The following POLN variants were observed in gnomAD, a reference collection of about 807,000 sequenced individuals.
POLN encodes DNA polymerase N.
Under a neutral mutation model 113.5 loss-of-function variants are expected in POLN, and 108 were observed. That is an observed-to-expected ratio of 0.95 (90% CI 0.81 to 1.12). The LOEUF (loss-of-function observed/expected upper bound fraction) is 1.12, where lower values mean the gene tolerates loss of function less well. Among genes scored for constraint, POLN ranks in the 50% most tolerant of loss-of-function variants. The probability of loss-of-function intolerance (pLI) is 0.00; values close to 1 mark genes in which losing one functional copy is unlikely to be tolerated. For missense variants in POLN, 1,097 were observed against 1,077.1 expected, an observed-to-expected ratio of 1.02 and a Z score of -0.26; for synonymous variants, 386 against 391.5, an observed-to-expected ratio of 0.99 and a Z score of 0.17.
intron 20 of POLN, among the ~76,000 whole-genome samples, chr4:2,092,810 C>A (rs1026741844): frequency 6.6e-6 from 1 of 152,222 alleles, no homozygotes; most frequent in Non-Finnish European, 1.5e-5. Context: ...GTTTCCAAAG[C>A]GCCCCAGCAG....
chr4:2,164,802 CAAAAAAAAAAAAAAAAAAAAAAAAAAA>C (rs33935159), intron 13 of POLN, among the ~76,000 whole-genome samples: 8 of 28,690 alleles, frequency 2.8e-4, no homozygotes, highest in South Asian at 1.7e-3. Flanking sequence ...GACTCTGTCT[CAAAAAAAAAAAAAAAAAAAAAAAAAAA>C]AAAAAAAAAA....
In POLN at chr4:2,085,622, G is replaced by A. The variant is rs754502243; in HGVS notation, c.2188C>T (p.His730Tyr). The change falls in exon 21 of 26, where the codon CAC (histidine) becomes TAC (tyrosine). Residue 730 changes from histidine (H) to tyrosine (Y), a missense_variant. His to Tyr is a moderately conservative substitution (Grantham distance 83). Transcript: ENST00000511885. ...DFARAAIAQC[H>Y]QTGCVVSIMG... ...GTTGTGGCCAACTCACCTGTCTGGT[G>A]ACACTGGGCAATAGCTGCTCGGGCG... is the stretch of plus-strand genomic sequence containing the variant. 6.2e-7 allele frequency: 1 copy of A among 1,613,892 alleles called. No individual in the cohort carries two copies. The highest frequency in any genetic ancestry group is 1.1e-5 in the South Asian group (1 of 91,064).
chr4:2,189,975 A>G (rs1733397946), intron 7 of POLN, among the ~76,000 whole-genome samples: 1 of 150,378 alleles, frequency 6.6e-6, no homozygotes, highest in South Asian at 2.1e-4. Flanking sequence ...CAGTGAGCTG[A>G]GATCACGCCA....
In POLN at chr4:2,209,657, C is replaced by CTTT. The variant is rs1175117439; in HGVS notation, c.214-1173_214-1171dup. 5.9e-3 allele frequency among the ~76,000 whole-genome samples: 638 copies of CTTT among 108,382 alleles called. 21 individuals are homozygous for CTTT. The highest frequency in any genetic ancestry group is 0.016 in the African/African-American group (403 of 24,794). The allele number at this position is 108,382 out of a possible 152,430, so 71.1% of individuals were successfully genotyped here. ...TATTTTTAAGGTTTCTTTCCTTTTC[C>CTTT]TTTTTTTTTTTTTTTTTTTTTTGAG... is the stretch of plus-strand genomic sequence containing the variant. On this transcript the variant is annotated intron_variant, in intron 4 of 25. Coordinates refer to ENST00000511885, the MANE Select transcript of POLN (RefSeq NM_181808.4).
chr4:2,190,086 C>T (rs766434468), intron 7 of POLN, among the ~76,000 whole-genome samples: 1 of 151,378 alleles, frequency 6.6e-6, no homozygotes, highest in South Asian at 2.1e-4. Flanking sequence ...AACCAAACAC[C>T]CTGAATAGCC....
chr4:2,090,529 G>A, intron 20 of POLN: 1 of 495,972 alleles, frequency 2.0e-6, no homozygotes, highest in Admixed American at 3.3e-5. Flanking sequence ...CAAAATACAA[G>A]AATCATCCTC....
chr4:2,148,369 A>G (rs565661868), intron 16 of POLN, among the ~76,000 whole-genome samples: 4 of 152,254 alleles, frequency 2.6e-5, no homozygotes, highest in Admixed American at 2.6e-4. Context: ...AAGGAGGCCC[A>G]TAAAAAGTAT....
At chr4:2,117,344 A>C (rs1428186316) in intron 19 of POLN, among the ~76,000 whole-genome samples, 2 of 152,224 alleles carry the variant, frequency 1.3e-5, no homozygotes, top group South Asian at 4.1e-4. Context: ...TTTAATAATA[A>C]TACAGTCTGT....
At chr4:2,154,432 A>ATCAT (rs746665008) in intron 16 of POLN, among the ~76,000 whole-genome samples, 9 of 152,154 alleles carry the variant, frequency 5.9e-5, no homozygotes, top group Non-Finnish European at 1.3e-4. Flanking sequence ...TGTTTCATGT[A>ATCAT]GTCAACCTCA....
chr4:2,106,942 T>C (rs1731080149), intron 19 of POLN, among the ~76,000 whole-genome samples: 2 of 152,190 alleles, frequency 1.3e-5, no homozygotes, highest in Non-Finnish European at 2.9e-5. Flanking sequence ...CTGGTATTTT[T>C]TGGCATATTT....
intron 16 of POLN, among the ~76,000 whole-genome samples, chr4:2,139,501 C>T (rs1016128330): frequency 5.9e-5 from 9 of 152,170 alleles, no homozygotes; most frequent in African/African-American, 2.2e-4. Flanking sequence ...TGCATATGTC[C>T]CTGTCAAGAG....
At chr4:2,089,259 A>G in intron 20 of POLN, 2 of 1,504,148 alleles carry the variant, frequency 1.3e-6, no homozygotes, top group Non-Finnish European at 1.8e-6. Context: ...AAAGTGACAA[A>G]TTCTCAAGGT....
chr4:2,150,870 G>A (rs903388175), intron 16 of POLN, among the ~76,000 whole-genome samples: 4 of 151,968 alleles, frequency 2.6e-5, no homozygotes, highest in African/African-American at 2.4e-5. Context: ...ACTATAATAC[G>A]TCTAGAAAAA....
intron 20 of POLN, among the ~76,000 whole-genome samples, chr4:2,095,378 G>A (rs1730761222): frequency 1.3e-5 from 2 of 152,346 alleles, no homozygotes; most frequent in South Asian, 2.1e-4. Context: ...CCAGCCCAAG[G>A]CCTGGCTCTG....
At chr4:2,241,935 G>T in intron 1 of POLN, 116 bp downstream of exon 1, 9 of 985,576 alleles carry the variant, frequency 9.1e-6, no homozygotes, top group Non-Finnish European at 1.1e-5. Flanking sequence ...TGGAGCACCT[G>T]GAAGGAGCCC....
At chr4:2,172,590 A>G (rs1030756889) in intron 11 of POLN, among the ~76,000 whole-genome samples, 1 of 152,208 alleles carries the variant, frequency 6.6e-6, no homozygotes, top group Non-Finnish European at 1.5e-5. Context: ...CTTGGTTGAC[A>G]TTAGTAATCA....
intron 7 of POLN, among the ~76,000 whole-genome samples, chr4:2,186,840 G>A (rs1175616380): frequency 2.0e-5 from 3 of 152,186 alleles, no homozygotes; most frequent in African/African-American, 7.2e-5. Flanking sequence ...CAAAATTGCA[G>A]TTTTAAGGAA....
chr4:2,117,959 G>T (rs1363730534), intron 19 of POLN, among the ~76,000 whole-genome samples: 1 of 152,186 alleles, frequency 6.6e-6, no homozygotes, highest in Non-Finnish European at 1.5e-5. Flanking sequence ...CAGGTAATCA[G>T]TCCCTTTGAG....
In POLN at chr4:2,174,801, T is replaced by C. The variant is rs548712343; in HGVS notation, c.1249-50A>G. 6.7e-6 allele frequency: 9 copies of C among 1,347,598 alleles called. No homozygotes were observed. In the African/African-American group the frequency reaches 1.3e-4, roughly 20 times the overall value. The allele number at this position is 1,347,598 out of a possible 1,614,324, so 83.5% of individuals were successfully genotyped here. A position where few individuals can be genotyped will look rare whatever the true frequency, so the allele number is the denominator to read the frequency against. ...CAACGTCAATTTAAATATTATTGTA[T>C]CTGCATTTTGTTGAAAAGCCTACTT... On this transcript the variant is annotated intron_variant, in intron 9 of 25. Coordinates refer to ENST00000511885, the MANE Select transcript of POLN (RefSeq NM_181808.4).
Sources: gnomAD v4.1 joint callset for allele counts (sites outside exome capture counted in the v4.1 genomes callset) on GRCh38, gnomAD v4.1.1 for gene constraint, MANE v1.5 for transcripts, NCBI Gene and HGNC (gene_info 2026-07-23, HGNC 2026-07-21) for gene names.